Variants in KIAA1210 observed in about 807,000 individuals in gnomAD.
KIAA1210 encodes acrosomal protein KIAA1210.
KIAA1210 carries 48 observed loss-of-function variants against 78.9 expected under a neutral mutation model. The observed-to-expected ratio is 0.61, with a 90% CI of 0.48 to 0.77. KIAA1210 has a LOEUF of 0.77. KIAA1210 is among the 30% of genes least tolerant of loss of function. KIAA1210 has a pLI of 0.00. For synonymous variants in KIAA1210, 406 were observed against 404.5 expected (o/e 1.00, Z -0.04); for missense variants, 1,108 against 1,100.0 (o/e 1.01, Z -0.10).
chrX:119,096,006 T>C (rs1029167494), intron 7 of KIAA1210, among the ~76,000 whole-genome samples: 1 of 111,998 alleles, frequency 8.9e-6, no homozygotes, highest in Non-Finnish European at 1.9e-5. Context: ...TGGAAAGTCA[T>C]GTGGCATCTA....
rs1022959686 is a variant in KIAA1210 at position 119,080,750 on chromosome X, G to A, written c.*579C>T. 1.2e-4 allele frequency: 14 copies of A among 112,329 alleles called. No individual in the cohort carries two copies. Among genetic ancestry groups the A allele is most frequent in the African/African-American group, 4.5e-4 (14 of 30,985 alleles). The allele number at this position is 112,329 out of a possible 1,213,427, so 9.3% of individuals were successfully genotyped here. A position where few individuals can be genotyped will look rare whatever the true frequency, so the allele number is the denominator to read the frequency against. ...AATAGAGGAAATGCTGGGTTTCTGG[G>A]TGCTGGCAGTGACTACGTGGAAGGT... On this transcript the variant is annotated 3_prime_UTR_variant, in exon 12 of 12. Coordinates refer to ENST00000691062, the MANE Select transcript of KIAA1210 (RefSeq NM_001394962.1).
At chrX:119,112,136 AC>A in intron 3 of KIAA1210, among the ~76,000 whole-genome samples, 2 of 111,411 alleles carry the variant, frequency 1.8e-5, no homozygotes, top group South Asian at 7.7e-4. Context: ...ACCATGTAAG[AC>A]GTGCCTTGCT....
Position 119,089,585 on chromosome X carries a change from C to T in KIAA1210, c.1117G>A (p.Gly373Arg), listed in dbSNP as rs200017863. ...RKGASVSGLS[G>R]CEFKGRSLKQ... ...AGGCTTCTTCCTTTGAATTCACACCCACTCAATCCTGAAACACTTGCTCCT... is the reference window on the plus strand; with the variant it reads ...AGGCTTCTTCCTTTGAATTCACACCTACTCAATCCTGAAACACTTGCTCCT... Residue 373 changes from glycine (G) to arginine (R), a missense_variant, in exon 9 of 12, where the codon GGG becomes AGG. Gly to Arg is a moderately radical substitution (Grantham distance 125). Around this residue, in one of 5 missense-constraint regions of KIAA1210, gnomAD observed 672 missense variants for 607.1 expected, o/e 1.11. Transcript: ENST00000691062. 6.1e-4 allele frequency: 734 copies of T among 1,209,846 alleles called. No individual in the cohort carries two copies. Among genetic ancestry groups the T allele is most frequent in the Non-Finnish European group, 7.2e-4 (647 of 895,177 alleles).
At chrX:119,140,596 T>C (rs747178480) in intron 2 of KIAA1210, among the ~76,000 whole-genome samples, 1 of 108,874 alleles carries the variant, frequency 9.2e-6, no homozygotes, top group South Asian at 4.1e-4. Flanking sequence ...ACTCATTATT[T>C]CCTCCACTTC....
At chrX:119,092,470 A>G (rs1222916178) in intron 8 of KIAA1210, among the ~76,000 whole-genome samples, 1 of 112,213 alleles carries the variant, frequency 8.9e-6, no homozygotes, top group Non-Finnish European at 1.9e-5. Flanking sequence ...ATTAAAAAAT[A>G]AAGCTCAAAG....
rs1926850231 is a variant in KIAA1210 at position 119,078,828 on chromosome X, G to T, written c.*2501C>A. 1 of 111,685 alleles carries T rather than the reference G, an allele frequency of 9.0e-6. No individual in the cohort carries two copies. The highest frequency in any genetic ancestry group is 1.9e-5 in the Non-Finnish European group (1 of 53,138). 9.2% of individuals were successfully genotyped at this position (111,685 alleles called of 1,213,427 possible). ...CTCAGAGTGAGAATAGCTGAATACA[G>T]GTTCACTGTGAAAAAAAGGAAGGGA... On this transcript the variant is annotated 3_prime_UTR_variant, in exon 12 of 12. Coordinates refer to ENST00000691062, the MANE Select transcript of KIAA1210 (RefSeq NM_001394962.1).
At position 119,123,580 on chromosome X, in the gene KIAA1210, A is replaced by G; in HGVS notation, c.61+2T>C. The G allele has an allele frequency of 1.7e-6, 2 of 1,161,451 alleles. No individual in the cohort carries two copies. Among genetic ancestry groups the G allele is most frequent in the Non-Finnish European group, 2.3e-6 (2 of 851,621 alleles). ...TTATCAAAGTTTTATTGGGTTACTT[A>G]CCCTCATCACCGGCCTCCAGAACAT... On this transcript the variant is annotated splice_donor_variant, in intron 2 of 11. Transcript: ENST00000691062. LOFTEE classifies it high-confidence loss of function.
At chrX:119,125,741 T>A (rs867559050) in intron 1 of KIAA1210, among the ~76,000 whole-genome samples, 23 of 7,169 alleles carry the variant, frequency 3.2e-3, no homozygotes, top group East Asian at 0.022. Flanking sequence ...ATATATTTTT[T>A]TTTTTTTTTT....
chrX:119,104,890 A>G (rs1927840220), intron 6 of KIAA1210, 102 bp downstream of exon 6: 4 of 760,196 alleles, frequency 5.3e-6, no homozygotes. Context: ...TTCCCCAATC[A>G]TCCCCCTAGT....
At chrX:119,149,074 C>T (rs1471073177) in intron 1 of KIAA1210, among the ~76,000 whole-genome samples, 3 of 107,484 alleles carry the variant, frequency 2.8e-5, no homozygotes, top group South Asian at 4.2e-4. Context: ...CCAAGGTTTA[C>T]GGGGGAGCAG....
In KIAA1210 at chrX:119,105,153, AAGAGGG is replaced by A. The variant is rs779562128; in HGVS notation, c.493-12_493-7del. 6.3e-5 allele frequency: 75 copies of A among 1,188,292 alleles called. No individual in the cohort carries two copies. Among genetic ancestry groups the A allele is most frequent in the Non-Finnish European group, 8.0e-5 (71 of 885,713 alleles). On this transcript the variant is annotated splice_region_variant and splice_polypyrimidine_tract_variant and intron_variant, in intron 5 of 11. Coordinates refer to ENST00000691062, the MANE Select transcript of KIAA1210 (RefSeq NM_001394962.1). ...CGTCGGCGCGATGGTGGGTTCTGTC[AAGAGGG>A]AGAATAGAAGGAACAATTTAAAACC...
chrX:119,105,443 T>C (rs1927865238), intron 5 of KIAA1210, among the ~76,000 whole-genome samples: 1 of 112,284 alleles, frequency 8.9e-6, no homozygotes, highest in Non-Finnish European at 1.9e-5. Context: ...AAGATCAGAA[T>C]CCTGATGTTA....
At chrX:119,091,390 G>A (rs1927363796) in intron 8 of KIAA1210, among the ~76,000 whole-genome samples, 1 of 111,957 alleles carries the variant, frequency 8.9e-6, no homozygotes, top group Non-Finnish European at 1.9e-5. Flanking sequence ...CTACCCAAAG[G>A]AAAAGAAGTC....
intron 2 of KIAA1210, among the ~76,000 whole-genome samples, chrX:119,138,410 G>A (rs1294243325): frequency 3.6e-5 from 4 of 109,901 alleles, no homozygotes; most frequent in Non-Finnish European, 7.6e-5. Context: ...GTAGAGACGG[G>A]GTTTCCCCAT....
upstream of KIAA1210, among the ~76,000 whole-genome samples, chrX:119,130,893 C>T: frequency 9.0e-6 from 1 of 111,693 alleles, no homozygotes; most frequent in South Asian, 3.9e-4. Context: ...TCTAGGCCAA[C>T]CCCAGATGCT....
chrX:119,117,684 T>C (rs1185008359), intron 2 of KIAA1210, among the ~76,000 whole-genome samples: 1 of 108,412 alleles, frequency 9.2e-6, no homozygotes, highest in African/African-American at 3.4e-5. Context: ...TCCTCGCACC[T>C]TGCACCTTGC....
At position 119,087,099 on chromosome X, in the gene KIAA1210, T is replaced by C. The variant is rs1274428357; in HGVS notation, c.3603A>G (p.Ser1201=). Residue 1201 remains serine (S), a synonymous_variant, in exon 9 of 12, where the codon TCA becomes TCG. Transcript: ENST00000691062. ...SSSPFQQQVH[S]SSVNAAARRS... is the part of the protein sequence containing the mutation. Reference sequence around the variant, plus strand: ...GCCTAGCAGCAGCATTCACAGAACTTGAATGAACCTGTTGCTGGAAAGGAC... The same window carrying C: ...GCCTAGCAGCAGCATTCACAGAACTCGAATGAACCTGTTGCTGGAAAGGAC... The C allele has an allele frequency of 8.3e-7, 1 of 1,210,077 alleles. No individual in the cohort carries two copies. The highest frequency in any genetic ancestry group is 1.1e-6 in the Non-Finnish European group (1 of 895,156).
chrX:119,147,845 T>C (rs1929204823), intron 1 of KIAA1210, among the ~76,000 whole-genome samples: 1 of 111,961 alleles, frequency 8.9e-6, no homozygotes, highest in Admixed American at 9.4e-5. Context: ...CTGGGGTTGC[T>C]AAAAACAAAG....
chrX:119,134,682 C>T (rs1928871915), intron 2 of KIAA1210, among the ~76,000 whole-genome samples: 2 of 111,927 alleles, frequency 1.8e-5, no homozygotes, highest in South Asian at 7.5e-4. Context: ...TAATGGAATC[C>T]ACCCTCTCCA....
Sources: gnomAD v4.1 joint callset for allele counts (sites outside exome capture counted in the v4.1 genomes callset) on GRCh38, gnomAD v4.1.1 for gene constraint, gnomAD v4.1.1 regional missense constraint, MANE v1.5 for transcripts, NCBI Gene and HGNC (gene_info 2026-07-23, HGNC 2026-07-21) for gene names.